The following CDR2L variants were observed in gnomAD, a reference collection of about 807,000 sequenced individuals.
CDR2L encodes cerebellar degeneration related protein 2 like.
Under a neutral mutation model 36.1 loss-of-function variants are expected in CDR2L, and 19 were observed. That is an observed-to-expected ratio of 0.53 (90% confidence interval 0.37 to 0.77). The LOEUF (loss-of-function observed/expected upper bound fraction) is 0.77, where lower values mean the gene tolerates loss of function less well. Among genes scored for constraint, CDR2L ranks in the 30% least tolerant of loss-of-function variants. The pLI, the probability that CDR2L is intolerant of heterozygous loss-of-function variation, is 0.00. For missense variants in CDR2L, 575 were observed against 627.2 expected (o/e 0.92, Z 0.89); for synonymous variants, 285 against 280.4 (o/e 1.02, Z -0.16).
chr17:74,992,038 G>A (rs1318404808), intron 1 of CDR2L, among the ~76,000 whole-genome samples: 1 of 152,162 alleles, frequency 6.6e-6, no homozygotes, highest in African/African-American at 2.4e-5. Flanking sequence ...GTCGTGCCCT[G>A]GAGCTGAGAA....
Position 74,988,095 on chromosome 17 carries a change from T to C in CDR2L, c.52T>C (p.Trp18Arg), listed in dbSNP as rs1418056942. The C allele has an allele frequency of 1.3e-5, 20 of 1,533,516 alleles. No individual in the cohort carries two copies. The East Asian group carries it at 3.9e-4, about 30-fold the overall frequency. The allele number at this position is 1,533,516 out of a possible 1,614,324, so 95.0% of individuals were successfully genotyped here. Residue 18 changes from tryptophan to arginine, a missense_variant, in exon 1 of 5, where the codon TGG becomes CGG. Transcript: ENST00000337231. ...CTTCTCCGCGGAGGAAGAGGAGTCCTGGTACGACCAGCAGGACCTGGAGCA... is the reference window on the plus strand; with the variant it reads ...CTTCTCCGCGGAGGAAGAGGAGTCCCGGTACGACCAGCAGGACCTGGAGCA... ...EDFSAEEEES[W>R]YDQQDLEQDL...
chr17:75,000,594 G>A (rs1273286869), intron 2 of CDR2L, among the ~76,000 whole-genome samples: 6 of 142,584 alleles, frequency 4.2e-5, no homozygotes, highest in African/African-American at 1.0e-4. Context: ...CATCACGCCG[G>A]GCATAAAAAA....
rs11420117 is a variant in CDR2L at position 74,996,443 on chromosome 17, C to CAA, written c.80-3046_80-3045dup. On this transcript the variant is annotated intron_variant, in intron 1 of 4. Coordinates refer to ENST00000337231, the MANE Select transcript of CDR2L (RefSeq NM_014603.3). ...TGGGAGACAAAGCGAGACTCCGTCT[C>CAA]AAAAAAAAAAAAAAAAGAAACAAAA... 4.4e-3 allele frequency among the ~76,000 whole-genome samples: 534 copies of CAA among 122,456 alleles called. 16 individuals carry two copies. The highest frequency in any genetic ancestry group is 0.03 in the Admixed American group (344 of 11,564). The allele number at this position is 122,456 out of a possible 152,430, so 80.3% of individuals were successfully genotyped here. A position where few individuals can be genotyped will look rare whatever the true frequency, so the allele number is the denominator to read the frequency against.
chr17:74,988,915 TG>T (rs1276447133), intron 1 of CDR2L, among the ~76,000 whole-genome samples: 1 of 150,258 alleles, frequency 6.7e-6, no homozygotes, highest in Non-Finnish European at 1.5e-5. Flanking sequence ...TCACTGGGAG[TG>T]GGGGGTGGGG....
In CDR2L at chr17:75,003,491, CCGAGGCCCTGCT is replaced by C; in HGVS notation, c.818_829del (p.Glu273_Leu276del). ...CTACTGGGTCCGGACGACCACCTGG[CCGAGGCCCTGCT>C]CGCACCCCTCACGCAGGCCCCTGAG... On this transcript the variant is annotated inframe_deletion, in exon 5 of 5. Transcript: ENST00000337231. 6.4e-7 allele frequency: 1 copy of C among 1,556,200 alleles called. No individual in the cohort carries two copies. Among genetic ancestry groups the C allele is most frequent in the Middle Eastern group, 1.7e-4 (1 of 5,880 alleles).
chr17:75,004,356 T>G lies in CDR2L; in HGVS notation c.*282T>G. The G allele has an allele frequency of 8.7e-6, 3 of 344,972 alleles. No individual in the cohort carries two copies. The highest frequency in any genetic ancestry group is 5.2e-5 in the East Asian group (1 of 19,214). 21.4% of individuals were successfully genotyped at this position (344,972 alleles called of 1,614,324 possible). On this transcript the variant is annotated 3_prime_UTR_variant, in exon 5 of 5. Coordinates refer to ENST00000337231, the MANE Select transcript of CDR2L (RefSeq NM_014603.3). ...GGGATCCCCCAGCTCCCCCAGCCCC[T>G]GGCTTCCTGACCCTGCGCCTCACCC...
chr17:74,990,889 A>G (rs555261496), intron 1 of CDR2L, among the ~76,000 whole-genome samples: 1 of 152,330 alleles, frequency 6.6e-6, no homozygotes, highest in Admixed American at 6.5e-5. Flanking sequence ...GTTGCCTGTG[A>G]GTGGCCCAGA....
chr17:74,996,888 T>C (rs117231470), intron 1 of CDR2L, among the ~76,000 whole-genome samples: 4,439 of 152,202 alleles, frequency 0.029, 100 homozygotes, highest in South Asian at 0.075. Flanking sequence ...ACCAGCTGGG[T>C]GACCATGGGC....
chr17:75,002,803 AG>A lies in CDR2L; in HGVS notation c.507-375del, dbSNP rs2039874802. ...CACCAGCCCTAGGCCTCAAAGCGCA[AG>A]GGGGAAGGGAGGTTACCGGCACCTG... On this transcript the variant is annotated intron_variant, in intron 4 of 4. Coordinates refer to ENST00000337231, the MANE Select transcript of CDR2L (RefSeq NM_014603.3). This position sits in a 1 kb window ranked among gnomAD's most constrained non-coding sequence, Gnocchi z 4.1. Among the ~76,000 whole-genome samples, 1 of 152,152 alleles carries A rather than the reference AG, an allele frequency of 6.6e-6. No individual in the cohort carries two copies. The highest frequency in any genetic ancestry group is 6.5e-5 in the Admixed American group (1 of 15,278).
chr17:75,003,347 T>C lies in CDR2L; in HGVS notation c.671T>C (p.Leu224Pro). The C allele has an allele frequency of 6.4e-7, 1 of 1,557,410 alleles. No individual in the cohort carries two copies. The change falls in exon 5 of 5, where the codon CTG becomes CCG. Residue 224 changes from leucine (L) to proline (P), a missense_variant. By Grantham distance (98) the Leu-to-Pro change is moderately conservative. Coordinates refer to ENST00000337231, the MANE Select transcript of CDR2L (RefSeq NM_014603.3). ...ERAEREYTAV[L>P]QEYSELERQL... ...GCGGAGCGCGAGTACACCGCGGTGC[T>C]GCAGGAGTACTCGGAGCTGGAGCGC...
rs981498325 is a variant in CDR2L, at chr17:74,996,568, ATTTTTAGGGAT to A, written c.80-2932_80-2922del. ...CACACAACTCAGACCCACCAAGAGA[ATTTTTAGGGAT>A]TTTAGTACCTGCCGTTTCCTTCTAA... On this transcript the variant is annotated intron_variant, in intron 1 of 4. Coordinates refer to ENST00000337231, the MANE Select transcript of CDR2L (RefSeq NM_014603.3). 1.8e-3 allele frequency among the ~76,000 whole-genome samples: 270 copies of A among 152,224 alleles called. 3 individuals carry two copies. Among genetic ancestry groups the A allele is most frequent in the African/African-American group, 6.0e-3 (249 of 41,556 alleles).
Position 74,988,109 on chromosome 17 carries a change from G to A in CDR2L, c.66G>A (p.Gln22=). ...AEEEESWYDQ[Q]DLEQDLHLAA... is the part of the protein sequence containing the mutation. ...AAGAGGAGTCCTGGTACGACCAGCA[G>A]GACCTGGAGCAGGGTGAGCGCGGGG... is the stretch of plus-strand genomic sequence containing the variant. The change falls in exon 1 of 5, where the codon CAG becomes CAA. Residue 22 remains glutamine (Q), a synonymous_variant. Transcript: ENST00000337231. 3.9e-6 allele frequency: 6 copies of A among 1,533,504 alleles called. No individual in the cohort carries two copies. The highest frequency in any genetic ancestry group is 5.3e-6 in the Non-Finnish European group (6 of 1,140,958). 95.0% of individuals were successfully genotyped at this position (1,533,504 alleles called of 1,614,324 possible). A position where few individuals can be genotyped will look rare whatever the true frequency, so the allele number is the denominator to read the frequency against.
At chr17:74,997,004 C>G (rs186672685) in intron 1 of CDR2L, among the ~76,000 whole-genome samples, 1 of 151,924 alleles carries the variant, frequency 6.6e-6, no homozygotes, top group East Asian at 1.9e-4. Flanking sequence ...TCTGCTCTCT[C>G]TGCCTCTCAG....
In CDR2L at chr17:75,003,359, CGGAGCT is replaced by C; in HGVS notation, c.689_694del (p.Leu230_Glu231del). On this transcript the variant is annotated inframe_deletion, in exon 5 of 5. Transcript: ENST00000337231. ...TACACCGCGGTGCTGCAGGAGTACT[CGGAGCT>C]GGAGCGCCAGCTGTGCGAGATGGAG... 1 of 1,558,118 alleles carries C rather than the reference CGGAGCT, an allele frequency of 6.4e-7. No homozygotes were observed. Among genetic ancestry groups the C allele is most frequent in the East Asian group, 2.4e-5 (1 of 41,358 alleles).
rs2039896076 is a variant in CDR2L, at chr17:75,005,198, C to T, written c.*1124C>T. ...TCCCTCCCATAAAATGCCTGCTCTT[C>T]ACCTCCCACCTTTGTGGGGGGCTTT... On this transcript the variant is annotated 3_prime_UTR_variant, in exon 5 of 5. Coordinates refer to ENST00000337231, the MANE Select transcript of CDR2L (RefSeq NM_014603.3). The surrounding 1 kb of genome is among the most constrained non-coding windows in gnomAD (Gnocchi z 4.2). The T allele has an allele frequency of 6.6e-6, 1 of 151,550 alleles. No individual in the cohort carries two copies. Among genetic ancestry groups the T allele is most frequent in the African/African-American group, 2.4e-5 (1 of 41,328 alleles). The allele number at this position is 151,550 out of a possible 1,614,324, so 9.4% of individuals were successfully genotyped here. A position where few individuals can be genotyped will look rare whatever the true frequency, so the allele number is the denominator to read the frequency against.
rs2039867618 is a variant in CDR2L, at chr17:75,001,598, A to C, written c.341+109A>C. 3 of 1,040,670 alleles carry C rather than the reference A, an allele frequency of 2.9e-6. No individual in the cohort carries two copies. The Admixed American group carries it at 1.0e-4, about 36-fold the overall frequency. 64.5% of individuals were successfully genotyped at this position (1,040,670 alleles called of 1,614,324 possible). ...GTGACTTGTGCACGTCTCCCTAGGA[A>C]CCGGGGATGGGAGTGAGCTTGTCCT... On this transcript the variant is annotated intron_variant, in intron 3 of 4. Transcript: ENST00000337231.
Position 75,003,856 on chromosome 17 carries a change from C to T in CDR2L, c.1180C>T (p.Arg394Trp), listed in dbSNP as rs755427447. The T allele has an allele frequency of 6.3e-6, 10 of 1,587,606 alleles. No individual in the cohort carries two copies. The highest frequency in any genetic ancestry group is 1.1e-5 in the South Asian group (1 of 87,082). The change falls in exon 5 of 5, where the codon CGG (arginine) becomes TGG (tryptophan). Residue 394 changes from arginine to tryptophan, a missense_variant. Coordinates refer to ENST00000337231, the MANE Select transcript of CDR2L (RefSeq NM_014603.3). ...AGVQTSRPIS[R>W]DSSWRDLRGG... ...CGTGCAGACCTCGCGCCCCATCTCC[C>T]GGGACAGCTCGTGGAGGGACCTGCG... is the stretch of plus-strand genomic sequence containing the variant.
intron 2 of CDR2L, among the ~76,000 whole-genome samples, chr17:75,000,702 C>T (rs1338236726): frequency 6.7e-6 from 1 of 149,500 alleles, no homozygotes; most frequent in Non-Finnish European, 1.5e-5. Flanking sequence ...ATCACGAGGT[C>T]AGGAGATCGA....
intron 1 of CDR2L, among the ~76,000 whole-genome samples, chr17:74,991,669 A>G (rs2039798058): frequency 6.6e-6 from 1 of 150,978 alleles, no homozygotes; most frequent in East Asian, 2.0e-4. Flanking sequence ...GTGAGCCAAG[A>G]TCGCGCCACT....
Sources: allele counts gnomAD v4.1 joint callset (sites outside exome capture counted in the v4.1 genomes callset), GRCh38; gene constraint gnomAD v4.1.1; non-coding constraint Gnocchi (gnomAD v3.1); transcripts MANE v1.5; gene names NCBI Gene and HGNC (gene_info 2026-07-23, HGNC 2026-07-21).